SUMF2: variants seen among roughly 807,000 people sequenced by gnomAD.
SUMF2 encodes the protein inactive C-alpha-formylglycine-generating enzyme 2.
Under a neutral mutation model 44.8 loss-of-function variants are expected in SUMF2, and 45 were observed. The observed-to-expected ratio is 1.00, with a 90% CI of 0.79 to 1.29. The LOEUF is 1.29. SUMF2 is among the 50% of genes most tolerant of loss of function. The probability of loss-of-function intolerance (pLI) is 0.00; values close to 1 mark genes in which losing one functional copy is unlikely to be tolerated. For synonymous variants in SUMF2, 148 were observed against 150.4 expected (o/e 0.98, Z 0.12); for missense variants, 418 against 389.9 (o/e 1.07, Z -0.61).
downstream of SUMF2, chr7:56,081,449 G>A (rs1428022891): frequency 1.1e-5 from 14 of 1,286,324 alleles, no homozygotes; most frequent in East Asian, 1.9e-4. The surrounding 1 kb of genome is among the most constrained non-coding windows in gnomAD (Gnocchi z 4.6). Flanking sequence ...CACTTGGCCA[G>A]CATCCTCAGG....
At chr7:56,068,459 G>T in intron 1 of SUMF2, 23 bp from the exon 2 acceptor site, 7 of 1,597,102 alleles carry the variant, frequency 4.4e-6, no homozygotes, top group Non-Finnish European at 6.0e-6. Flanking sequence ...TGTATTACTG[G>T]TAACTCTCTT....
downstream of SUMF2, chr7:56,081,717 G>A (rs12538444): frequency 0.21 from 337,674 of 1,613,312 alleles, 37,075 homozygotes; most frequent in Middle Eastern, 0.26. This position sits in a 1 kb window ranked among gnomAD's most constrained non-coding sequence, Gnocchi z 4.6. Flanking sequence ...CTTCCGCTGT[G>A]TAGCGGTTCT....
chr7:56,069,749 T>C (rs2117416810), intron 2 of SUMF2, among the ~76,000 whole-genome samples: 2 of 151,908 alleles, frequency 1.3e-5, no homozygotes, highest in East Asian at 3.9e-4. Context: ...CCAGCTTATT[T>C]TGTTTTGTAT....
downstream of SUMF2, among the ~76,000 whole-genome samples, chr7:56,084,407 C>G (rs961014216): frequency 5.3e-5 from 7 of 132,840 alleles, 1 homozygote; most frequent in African/African-American, 2.0e-4. Context: ...GGAGTTTTTG[C>G]TCATCACCCA....
rs1472781416 is a variant in SUMF2 at position 56,073,069 on chromosome 7, T to C, written c.297T>C (p.Phe99=). The C allele has an allele frequency of 5.0e-6, 8 of 1,611,236 alleles. No individual in the cohort carries two copies. The Admixed American group carries it at 1.2e-4, about 24-fold the overall frequency. Residue 99 remains phenylalanine, a synonymous_variant, in exon 3 of 9, where the codon TTT becomes TTC. Transcript: ENST00000434526. ...MFGWSFVFED[F]VSDELRNKAT... ...GATGGAGCTTTGTCTTTGAGGACTT[T>C]GTCTCTGATGAGCTGAGAAACAAAG... is the stretch of plus-strand genomic sequence containing the variant.
chr7:56,076,727 C>G (rs953397747), intron 5 of SUMF2, 107 bp from the exon 6 acceptor site: 2 of 1,050,684 alleles, frequency 1.9e-6, no homozygotes, highest in African/African-American at 1.6e-5. Context: ...TCTTTTTTCT[C>G]ATCACCCTCT....
chr7:56,068,702 T>C, intron 2 of SUMF2, 64 bp downstream of exon 2: 2 of 1,033,580 alleles, frequency 1.9e-6, no homozygotes, highest in South Asian at 2.1e-5. Context: ...TTTTCTTTCT[T>C]TTTTTTTTTT....
intron 1 of SUMF2, among the ~76,000 whole-genome samples, chr7:56,065,212 A>AG (rs1491288310): frequency 6.1e-5 from 9 of 146,576 alleles, no homozygotes; most frequent in Non-Finnish European, 1.1e-4. Flanking sequence ...AAAAAAAAAA[A>AG]GGAAAAAGGA....
intron 5 of SUMF2, 54 bp from the exon 6 acceptor site, chr7:56,076,780 C>T: frequency 3.4e-6 from 5 of 1,487,750 alleles, no homozygotes; most frequent in Admixed American, 4.2e-5. Context: ...TTCTTTTTTC[C>T]TTCCCTAATT....
intron 3 of SUMF2, chr7:56,073,326 T>G (rs1228342163): frequency 3.3e-6 from 2 of 609,708 alleles, no homozygotes; most frequent in South Asian, 1.6e-5. Context: ...AATGTCCAAG[T>G]CAGGATAGGA....
downstream of SUMF2, chr7:56,081,239 G>C (rs566122392): frequency 5.6e-6 from 9 of 1,613,400 alleles, no homozygotes; most frequent in East Asian, 6.7e-5. The surrounding 1 kb of genome is among the most constrained non-coding windows in gnomAD (Gnocchi z 4.6). Context: ...CGGGTCACAG[G>C]CTTCACCCGG....
chr7:56,074,638 A>C lies in SUMF2; in HGVS notation c.437A>C (p.His146Pro). The change falls in exon 5 of 9, where the codon CAC becomes CCC. Residue 146 changes from histidine to proline, a missense_variant. Transcript: ENST00000434526. ...GAGAGACTGGAGCACCCAGTGTTAC[A>C]CGTGAGCTGGAATGACGCCCGTGCC... ...IRERLEHPVL[H>P]VSWNDARAYC... The C allele has an allele frequency of 1.2e-6, 2 of 1,614,110 alleles. No homozygotes were observed. Among genetic ancestry groups the C allele is most frequent in the Non-Finnish European group, 1.7e-6 (2 of 1,180,016 alleles).
At chr7:56,074,394 T>TA in intron 4 of SUMF2, 176 bp downstream of exon 4, 1 of 977,922 alleles carries the variant, frequency 1.0e-6, no homozygotes, top group Non-Finnish European at 1.5e-6. Context: ...TGTTTCCTGT[T>TA]ACCCATCCAT....
At chr7:56,074,822 G>T (rs2117463150) in intron 5 of SUMF2, 86 bp downstream of exon 5, 5 of 1,557,284 alleles carry the variant, frequency 3.2e-6, no homozygotes, top group Non-Finnish European at 4.4e-6. Flanking sequence ...AAGGGGCTGG[G>T]CGCAGTGGCT....
chr7:56,087,570 T>G, the SUMF2 span: 1 of 1,600,030 alleles, frequency 6.2e-7, no homozygotes, highest in African/African-American at 1.3e-5. Context: ...GGGGGCACCC[T>G]GCCGTGTGGC....
At chr7:56,068,768 A>T in intron 2 of SUMF2, 130 bp downstream of exon 2, 4 of 1,081,820 alleles carry the variant, frequency 3.7e-6, no homozygotes. Flanking sequence ...CAGTGGCGCA[A>T]TCTCGCTCAC....
chr7:56,070,809 C>T (rs915824111), intron 2 of SUMF2, among the ~76,000 whole-genome samples: 3 of 152,190 alleles, frequency 2.0e-5, no homozygotes, highest in Non-Finnish European at 4.4e-5. Flanking sequence ...CAATAAGATA[C>T]TACTCATCGA....
chr7:56,071,804 A>T (rs541161828), intron 2 of SUMF2, among the ~76,000 whole-genome samples: 125 of 150,268 alleles, frequency 8.3e-4, no homozygotes, highest in African/African-American at 2.6e-3. Context: ...AAATAAATAA[A>T]TAAATAAATA....
intron 1 of SUMF2, among the ~76,000 whole-genome samples, chr7:56,067,021 A>T (rs752842997): frequency 6.6e-6 from 1 of 152,356 alleles, no homozygotes; most frequent in Admixed American, 6.5e-5. Context: ...GAGGCCAGGG[A>T]TATACTGTCA....
Sources: allele counts gnomAD v4.1 joint callset (sites outside exome capture counted in the v4.1 genomes callset), GRCh38; gene constraint gnomAD v4.1.1; non-coding constraint Gnocchi (gnomAD v3.1); transcripts MANE v1.5; gene names NCBI Gene and HGNC (gene_info 2026-07-23, HGNC 2026-07-21).